Variants in TMEM185A observed in about 807,000 individuals in gnomAD.
TMEM185A encodes the protein transmembrane protein 185A, also known as family with sequence similarity 11, member A.
In TMEM185A, 9 loss-of-function variants were observed where a neutral mutation model predicts 25.0. That is an observed-to-expected ratio of 0.36 (90% CI 0.22 to 0.63). The LOEUF is 0.63. TMEM185A is among the 20% of genes least tolerant of loss of function. TMEM185A has a pLI of 0.68. For missense variants in TMEM185A, 103 were observed against 237.4 expected, an observed-to-expected ratio of 0.43 and a Z score of 3.72; for synonymous variants, 45 against 93.5, an observed-to-expected ratio of 0.48 and a Z score of 2.99.
chrX:149,620,837 AAG>A (rs1355363112), intron 1 of TMEM185A, among the ~76,000 whole-genome samples: 3 of 112,258 alleles, frequency 2.7e-5, no homozygotes, highest in African/African-American at 9.7e-5. Context: ...TAAAGAAACC[AAG>A]ATAAAAATGA....
intron 1 of TMEM185A, among the ~76,000 whole-genome samples, chrX:149,629,634 A>C (rs1247261538): frequency 2.7e-5 from 3 of 112,611 alleles, no homozygotes; most frequent in Non-Finnish European, 5.6e-5. Flanking sequence ...ATGCAGGTAG[A>C]ATTAAGAGAT....
rs373801942 is a variant in TMEM185A, at chrX:149,614,514, G to A, written c.39-3051C>T. 5.4e-5 allele frequency among the ~76,000 whole-genome samples: 6 copies of A among 111,017 alleles called. No homozygotes were observed. The East Asian group carries it at 1.7e-3, about 31-fold the overall frequency. On this transcript the variant is annotated intron_variant, in intron 1 of 6. Transcript: ENST00000600449. ...TTATGAAACTAGAAAGAACATGGAGGTAAGGAACCTCCATGTAAGAAACGG... is the reference window on the plus strand; with the variant it reads ...TTATGAAACTAGAAAGAACATGGAGATAAGGAACCTCCATGTAAGAAACGG...
chrX:149,619,030 A>C (rs2059087020), intron 1 of TMEM185A, among the ~76,000 whole-genome samples: 1 of 111,744 alleles, frequency 8.9e-6, no homozygotes, highest in South Asian at 3.7e-4. Context: ...ACTAAAACTC[A>C]ACAAGTGGTA....
At chrX:149,619,688 T>C in intron 1 of TMEM185A, among the ~76,000 whole-genome samples, 1 of 105,709 alleles carries the variant, frequency 9.5e-6, no homozygotes. Context: ...GAGTGTGATG[T>C]TCCCCTTCCT....
chrX:149,598,689 G>A (rs1369618621), intron 6 of TMEM185A, among the ~76,000 whole-genome samples: 1 of 66,664 alleles, frequency 1.5e-5, no homozygotes, highest in Non-Finnish European at 2.5e-5. Flanking sequence ...TCTCCAGCCA[G>A]GATAAACTCA....
chrX:149,617,310 C>A (rs1272382280), intron 1 of TMEM185A, among the ~76,000 whole-genome samples: 2 of 111,856 alleles, frequency 1.8e-5, no homozygotes, highest in South Asian at 7.4e-4. Flanking sequence ...AGCCAAGCCA[C>A]AAACTGGGAG....
At chrX:149,618,963 A>G (rs918501639) in intron 1 of TMEM185A, among the ~76,000 whole-genome samples, 10 of 111,973 alleles carry the variant, frequency 8.9e-5, no homozygotes, top group African/African-American at 2.9e-4. Flanking sequence ...ATCTGTAGTT[A>G]GAAAAGAACT....
intron 1 of TMEM185A, among the ~76,000 whole-genome samples, chrX:149,623,740 G>A (rs1424199089): frequency 1.8e-5 from 2 of 111,425 alleles, no homozygotes; most frequent in Admixed American, 9.5e-5. Context: ...AAATGAAACT[G>A]ATCAGTAATC....
rs1318403478 is a variant in TMEM185A at position 149,626,973 on chromosome X, G to C, written c.38+4570C>G. On this transcript the variant is annotated intron_variant, in intron 1 of 6. Coordinates refer to ENST00000600449, the MANE Select transcript of TMEM185A (RefSeq NM_032508.4). ...AGAATAGAACGAATGGGAATGGTCAGCTTTACACAGAGACATTCCATTCCC... is the reference window on the plus strand; with the variant it reads ...AGAATAGAACGAATGGGAATGGTCACCTTTACACAGAGACATTCCATTCCC... 3.6e-5 allele frequency among the ~76,000 whole-genome samples: 4 copies of C among 112,234 alleles called. No individual in the cohort carries two copies. The Admixed American group carries it at 3.8e-4, about 11-fold the overall frequency.
At chrX:149,623,163 A>G (rs1438590295) in intron 1 of TMEM185A, among the ~76,000 whole-genome samples, 2 of 111,950 alleles carry the variant, frequency 1.8e-5, no homozygotes, top group Admixed American at 1.9e-4. Context: ...TCCCCTCTTT[A>G]TCCTCCCCTC....
chrX:149,624,713 G>T (rs2090155353), intron 1 of TMEM185A, among the ~76,000 whole-genome samples: 1 of 111,853 alleles, frequency 8.9e-6, no homozygotes, highest in African/African-American at 3.3e-5. Flanking sequence ...TCTTTTAGTG[G>T]AGACTTTAGC....
intron 1 of TMEM185A, among the ~76,000 whole-genome samples, chrX:149,621,624 T>C (rs1332418129): frequency 9.0e-6 from 1 of 111,469 alleles, no homozygotes; most frequent in East Asian, 2.8e-4. Context: ...GAGGTCAGAG[T>C]CCAATATGGG....
chrX:149,619,079 G>A (rs1295269181), intron 1 of TMEM185A, among the ~76,000 whole-genome samples: 3 of 111,833 alleles, frequency 2.7e-5, no homozygotes, highest in Admixed American at 1.9e-4. Context: ...ATCTGAAATC[G>A]TATCAATGAC....
At chrX:149,605,022 AAC>A (rs782236047) in intron 3 of TMEM185A, 3 of 111,741 alleles carry the variant, frequency 2.7e-5, no homozygotes, top group Non-Finnish European at 5.6e-5. Flanking sequence ...CAGACACACA[AAC>A]ACACATATTT....
In TMEM185A at chrX:149,604,073, A is replaced by G. The variant is rs369178491; in HGVS notation, c.424-3T>C. 13 of 1,153,026 alleles carry G rather than the reference A, an allele frequency of 1.1e-5. No individual in the cohort carries two copies. The African/African-American group carries it at 2.3e-4, about 20-fold the overall frequency. ...TTGACAGAACACAGGATTTCTAACT[A>G]AAAATGAAGAGAAGAATCAGTTAAA... On this transcript the variant is annotated splice_region_variant and splice_polypyrimidine_tract_variant and intron_variant, in intron 3 of 6. Transcript: ENST00000600449.
chrX:149,612,893 T>C (rs996195970), intron 1 of TMEM185A, among the ~76,000 whole-genome samples: 1 of 112,148 alleles, frequency 8.9e-6, no homozygotes, highest in Non-Finnish European at 1.9e-5. Flanking sequence ...AATAGGCCCC[T>C]ACATCTCAAA....
chrX:149,607,436 G>C (rs782270603), intron 3 of TMEM185A, among the ~76,000 whole-genome samples: 9 of 112,395 alleles, frequency 8.0e-5, no homozygotes, highest in Non-Finnish European at 1.3e-4. Context: ...TCCTGGTCCT[G>C]CCCCTTCACA....
At chrX:149,625,159 A>G (rs1557355906) in intron 1 of TMEM185A, among the ~76,000 whole-genome samples, 1 of 112,104 alleles carries the variant, frequency 8.9e-6, no homozygotes, top group African/African-American at 3.2e-5. Flanking sequence ...TACAGGCATG[A>G]CATATCAGGC....
chrX:149,613,795 G>C (rs782307707), intron 1 of TMEM185A, among the ~76,000 whole-genome samples: 19 of 111,948 alleles, frequency 1.7e-4, no homozygotes, highest in African/African-American at 5.8e-4. Flanking sequence ...GTGGGGGTGG[G>C]GCATTCTGCC....
Sources: allele counts gnomAD v4.1 joint callset (sites outside exome capture counted in the v4.1 genomes callset), GRCh38; gene constraint gnomAD v4.1.1; transcripts MANE v1.5; gene names NCBI Gene and HGNC (gene_info 2026-07-23, HGNC 2026-07-21).